DNPEP: variants seen among roughly 807,000 people sequenced by gnomAD.
The protein encoded by DNPEP is aspartyl aminopeptidase.
A neutral mutation model predicts 59.1 loss-of-function variants in DNPEP; 46 were observed. The ratio of observed to expected loss-of-function variants is 0.78; its 90% confidence interval spans 0.61 to 0.99. The LOEUF is 0.99. DNPEP is among the 50% of genes least tolerant of loss of function. DNPEP has a pLI of 0.00. For missense variants in DNPEP, 617 were observed against 649.9 expected, an observed-to-expected ratio of 0.95 and a Z score of 0.55; for synonymous variants, 229 against 242.2, an observed-to-expected ratio of 0.95 and a Z score of 0.50.
At chr2:219,392,330 A>G (rs1227832297), upstream of DNPEP, among the ~76,000 whole-genome samples, 2 of 151,816 alleles carry the variant, frequency 1.3e-5, no homozygotes, top group Admixed American at 6.5e-5. Context: ...GTGTGAGTTT[A>G]TAAGATACAT....
upstream of DNPEP, chr2:219,388,606 C>T (rs1953954482): frequency 7.7e-6 from 6 of 782,224 alleles, no homozygotes; most frequent in Non-Finnish European, 9.3e-6. Flanking sequence ...CGCCAGGGCC[C>T]TCTGCTGCCG....
intron 1 of DNPEP, chr2:219,387,426 T>C (rs1953896843): frequency 9.8e-6 from 14 of 1,428,434 alleles, no homozygotes; most frequent in African/African-American, 1.4e-5. Flanking sequence ...CCCATGTCCC[T>C]GCCCAGCTAG....
At chr2:219,375,708 C>T (rs1190700389) in intron 13 of DNPEP, among the ~76,000 whole-genome samples, 3 of 152,062 alleles carry the variant, frequency 2.0e-5, no homozygotes, top group Non-Finnish European at 4.4e-5. Context: ...ATTACAGGCA[C>T]GCACCACCAC....
At chr2:219,384,953 G>A (rs965863375) in intron 8 of DNPEP, 2 of 163,094 alleles carry the variant, frequency 1.2e-5, no homozygotes, top group African/African-American at 2.4e-5. Context: ...GTCAAGAAAA[G>A]GAAGGGCTGA....
Position 219,385,697 on chromosome 2 carries a change from A to G in DNPEP, c.600T>C (p.Ile200=). 1.2e-6 allele frequency: 2 copies of G among 1,604,862 alleles called. No individual in the cohort carries two copies. The highest frequency in any genetic ancestry group is 1.7e-6 in the Non-Finnish European group (2 of 1,175,240). ...GCTCCTCCTGGATGGCTGTGGCAAG[A>G]ATGGGGACTCTGTGGGGAGACGTGG... ...GPNTEMHLVP[I]LATAIQEELE... Residue 200 remains isoleucine (I), a synonymous_variant, in exon 7 of 15, where the codon ATT becomes ATC. Coordinates refer to ENST00000273075, the MANE Select transcript of DNPEP (RefSeq NM_012100.4).
chr2:219,397,791 T>C (rs1954123544), intron 1 of DNPEP, among the ~76,000 whole-genome samples: 1 of 152,186 alleles, frequency 6.6e-6, no homozygotes, highest in Non-Finnish European at 1.5e-5. Context: ...GGTTTTGCCA[T>C]GTTGGCCAGG....
chr2:219,397,841 C>T (rs1027296283), intron 1 of DNPEP, among the ~76,000 whole-genome samples: 2 of 152,132 alleles, frequency 1.3e-5, no homozygotes, highest in East Asian at 3.9e-4. Context: ...TCACCCGCCT[C>T]GGCCTCCCAA....
chr2:219,385,120 T>C (rs763684565), intron 8 of DNPEP: 55 of 302,444 alleles, frequency 1.8e-4, no homozygotes, highest in Non-Finnish European at 3.4e-4. Context: ...CCAGGCCTCT[T>C]TCCCTAAGCA....
rs895972631 is a variant in DNPEP, at chr2:219,399,991, G to C, written c.-209C>G. 1.1e-5 allele frequency: 14 copies of C among 1,327,598 alleles called. No individual in the cohort carries two copies. The Admixed American group carries it at 2.6e-4, about 25-fold the overall frequency. 82.2% of individuals were successfully genotyped at this position (1,327,598 alleles called of 1,614,324 possible). A position where few individuals can be genotyped will look rare whatever the true frequency, so the allele number is the denominator to read the frequency against. ...CCTGAACCGTGTGCCTTTTTTGCCGGATCCTTCCCCTGCCTTGGGCCCCAA... is the reference window on the plus strand; with the variant it reads ...CCTGAACCGTGTGCCTTTTTTGCCGCATCCTTCCCCTGCCTTGGGCCCCAA... On this transcript the variant is annotated 5_prime_UTR_variant, in exon 1 of 7. Transcript: ENST00000434339.
At chr2:219,388,494 GCGCCTC>G (rs1269422338), upstream of DNPEP, 1 of 151,866 alleles carries the variant, frequency 6.6e-6, no homozygotes, top group Non-Finnish European at 1.4e-5. Context: ...TCTCCAGGCC[GCGCCTC>G]CGCCTCCGGC....
chr2:219,383,254 G>A, intron 9 of DNPEP, 40 bp from the exon 10 acceptor site: 1 of 1,582,374 alleles, frequency 6.3e-7, no homozygotes, highest in Non-Finnish European at 8.7e-7. Flanking sequence ...TCTCCAACCT[G>A]CTTCTGCTGG....
At chr2:219,399,089 C>CGA (rs112465500) in intron 1 of DNPEP, among the ~76,000 whole-genome samples, 11,800 of 152,222 alleles carry the variant, frequency 0.078, 1,207 homozygotes, top group African/African-American at 0.23. Flanking sequence ...GTAAATATGT[C>CGA]TATGAAGTTC....
upstream of DNPEP, among the ~76,000 whole-genome samples, chr2:219,392,067 A>G (rs548556607): frequency 3.3e-5 from 5 of 152,302 alleles, no homozygotes; most frequent in South Asian, 1.0e-3. Flanking sequence ...GTTTGGAAGG[A>G]TAATGGTCAC....
Position 219,385,962 on chromosome 2 carries a change from T to A in DNPEP, c.590+6A>T. On this transcript the variant is annotated splice_donor_region_variant and intron_variant, in intron 6 of 14. Coordinates refer to ENST00000273075, the MANE Select transcript of DNPEP (RefSeq NM_012100.4). ...CCCAGCCACCGCAGCCCTGCCCCAGTCTCACAGATGCATCTCTGTGTTGGG... is the reference window on the plus strand; with the variant it reads ...CCCAGCCACCGCAGCCCTGCCCCAGACTCACAGATGCATCTCTGTGTTGGG... 1 of 1,614,006 alleles carries A rather than the reference T, an allele frequency of 6.2e-7. No homozygotes were observed. The highest frequency in any genetic ancestry group is 8.5e-7 in the Non-Finnish European group (1 of 1,179,916).
At position 219,386,703 on chromosome 2, in the gene DNPEP, T is replaced by C. The variant is rs1297574770; in HGVS notation, c.295A>G (p.Ser99Gly). 2 of 1,612,996 alleles carry C rather than the reference T, an allele frequency of 1.2e-6. No individual in the cohort carries two copies. Among genetic ancestry groups the C allele is most frequent in the East Asian group, 4.5e-5 (2 of 44,866 alleles). Reference protein sequence around the residue: ...GGQYVPGNGFSLIGAHTDSPC... With the variant: ...GGQYVPGNGFGLIGAHTDSPC... ...CTGTCCGTGTGGGCCCCGATGAGGC[T>C]GAAGCCATTGCCAGGAACGTACTGG... The change falls in exon 4 of 15, where the codon AGC becomes GGC. Residue 99 changes from serine (S) to glycine (G), a missense_variant. Coordinates refer to ENST00000273075, the MANE Select transcript of DNPEP (RefSeq NM_012100.4).
At chr2:219,399,815 T>C in intron 1 of DNPEP, 1 of 1,325,118 alleles carries the variant, frequency 7.5e-7, no homozygotes, top group Non-Finnish European at 9.9e-7. Context: ...GGCTGGTGCC[T>C]AGGAACGTGT....
At position 219,375,117 on chromosome 2, in the gene DNPEP, T is replaced by C. The variant is rs956970592; in HGVS notation, c.1240-95A>G. 9 of 1,313,194 alleles carry C rather than the reference T, an allele frequency of 6.9e-6. No individual in the cohort carries two copies. The African/African-American group carries it at 1.2e-4, about 17-fold the overall frequency. 81.3% of individuals were successfully genotyped at this position (1,313,194 alleles called of 1,614,324 possible). A position where few individuals can be genotyped will look rare whatever the true frequency, so the allele number is the denominator to read the frequency against. On this transcript the variant is annotated intron_variant, in intron 13 of 14. Coordinates refer to ENST00000273075, the MANE Select transcript of DNPEP (RefSeq NM_012100.4). ...TAGAATTGCAGGGTGGGAAGGGGCC[T>C]GGGAGATGGTCCATTCGGAGCATAA...
intron 13 of DNPEP, among the ~76,000 whole-genome samples, chr2:219,377,639 TG>T (rs1462500613): frequency 9.9e-5 from 15 of 152,232 alleles, no homozygotes; most frequent in Non-Finnish European, 1.6e-4. Flanking sequence ...TTTCCTGAAA[TG>T]GGGTTGGGAA....
At position 219,372,599 on chromosome 2, in the gene DNPEP, T is replaced by C. The variant is rs1953225224; in HGVS notation, c.*1693A>G. Among the ~76,000 whole-genome samples, 1 of 152,068 alleles carries C rather than the reference T, an allele frequency of 6.6e-6. No homozygotes were observed. The highest frequency in any genetic ancestry group is 1.5e-5 in the Non-Finnish European group (1 of 68,000). Reference sequence around the variant, plus strand: ...CCAGGCTGGTTTTGAACTCCTGACCTCAAGTGATCTGCCCACCTCGGCCTC... The same window carrying C: ...CCAGGCTGGTTTTGAACTCCTGACCCCAAGTGATCTGCCCACCTCGGCCTC... On this transcript the variant is annotated 3_prime_UTR_variant, in exon 15 of 15. Transcript: ENST00000273075.
Sources: gnomAD v4.1 joint callset for allele counts (sites outside exome capture counted in the v4.1 genomes callset) on GRCh38, gnomAD v4.1.1 for gene constraint, MANE v1.5 for transcripts, NCBI Gene and HGNC (gene_info 2026-07-23, HGNC 2026-07-21) for gene names.